SLC29A3: variants seen among roughly 807,000 people sequenced by gnomAD.
SLC29A3 encodes the protein solute carrier family 29 member 3.
SLC29A3 carries 18 observed loss-of-function variants against 25.4 expected under a neutral mutation model. That is an observed-to-expected ratio of 0.71 (90% CI 0.49 to 1.05). The LOEUF is 1.05. Among genes scored for constraint, SLC29A3 ranks in the 50% least tolerant of loss-of-function variants. The probability of loss-of-function intolerance (pLI) is 0.00; values close to 1 mark genes in which losing one functional copy is unlikely to be tolerated. For synonymous variants in SLC29A3, 258 were observed against 267.1 expected (o/e 0.97, Z 0.33); for missense variants, 586 against 609.0 (o/e 0.96, Z 0.40).
chr10:71,356,228 G>T lies in SLC29A3; in HGVS notation c.758G>T (p.Arg253Met), dbSNP rs1246127063. 6.2e-7 allele frequency: 1 copy of T among 1,613,688 alleles called. No individual in the cohort carries two copies. The highest frequency in any genetic ancestry group is 8.5e-7 in the Non-Finnish European group (1 of 1,180,036). Residue 253 changes from arginine to methionine, a missense_variant, in exon 5 of 6, where the codon AGG becomes ATG. By Grantham distance (91) the Arg-to-Met change is moderately conservative. Coordinates refer to ENST00000373189, the MANE Select transcript of SLC29A3 (RefSeq NM_018344.6). ...LCMGLYLLLS[R>M]LEYARYYMRP... ...ATGGGACTCTACCTGCTGCTGTCCAGGCTGGAGTATGCCAGGTGAAGGTGC... is the reference window on the plus strand; with the variant it reads ...ATGGGACTCTACCTGCTGCTGTCCATGCTGGAGTATGCCAGGTGAAGGTGC...
At chr10:71,371,810 G>A (rs189742214) in intron 3 of SLC29A3, among the ~76,000 whole-genome samples, 1 of 152,194 alleles carries the variant, frequency 6.6e-6, no homozygotes, top group Non-Finnish European at 1.5e-5. Context: ...CTCCATCCAG[G>A]CTAAATGATT....
At chr10:71,333,304 T>C (rs1846163821) in intron 2 of SLC29A3, among the ~76,000 whole-genome samples, 1 of 152,200 alleles carries the variant, frequency 6.6e-6, no homozygotes, top group Non-Finnish European at 1.5e-5. Flanking sequence ...ATGAGTACTC[T>C]AGTGGAGGCA....
intron 2 of SLC29A3, among the ~76,000 whole-genome samples, chr10:71,330,863 G>GT (rs1040844957): frequency 9.0e-4 from 131 of 145,698 alleles, no homozygotes; most frequent in African/African-American, 1.1e-3. Flanking sequence ...TCTTTTGTTT[G>GT]TTTTTTTTTT....
intron 5 of SLC29A3, among the ~76,000 whole-genome samples, chr10:71,361,708 TG>T (rs1847057560): frequency 6.6e-6 from 1 of 152,254 alleles, no homozygotes; most frequent in Non-Finnish European, 1.5e-5. Context: ...TGGTCAGTCC[TG>T]GTTTCCTCTG....
chr10:71,374,483 T>C (rs1431921609), intron 3 of SLC29A3, among the ~76,000 whole-genome samples: 2 of 152,198 alleles, frequency 1.3e-5, no homozygotes, highest in African/African-American at 4.8e-5. Context: ...GCTCCCGCCA[T>C]GGTAACCCGA....
At chr10:71,335,862 A>G (rs1846236657) in intron 2 of SLC29A3, among the ~76,000 whole-genome samples, 1 of 151,910 alleles carries the variant, frequency 6.6e-6, no homozygotes, top group Admixed American at 6.6e-5. Flanking sequence ...CACCACCCCC[A>G]CCCTTACAAA....
intron 3 of SLC29A3, among the ~76,000 whole-genome samples, chr10:71,375,295 T>A (rs937078525): frequency 1.3e-5 from 2 of 152,208 alleles, no homozygotes; most frequent in Admixed American, 6.5e-5. Context: ...GGTACTGTGC[T>A]GTGTGACTTT....
chr10:71,362,718 G>A lies in SLC29A3; in HGVS notation c.*110G>A, dbSNP rs1193440272. 6.9e-7 allele frequency: 1 copy of A among 1,445,256 alleles called. No individual in the cohort carries two copies. The highest frequency in any genetic ancestry group is 9.6e-7 in the Non-Finnish European group (1 of 1,044,654). The allele number at this position is 1,445,256 out of a possible 1,614,324, so 89.5% of individuals were successfully genotyped here. A position where few individuals can be genotyped will look rare whatever the true frequency, so the allele number is the denominator to read the frequency against. On this transcript the variant is annotated 3_prime_UTR_variant, in exon 6 of 6. Transcript: ENST00000373189. ...GCCTAAAGTTTCACTTGGGGACAGA[G>A]AGCAGAGCACACTCGGGCCTCATCC...
chr10:71,339,813 C>A (rs537113659), intron 2 of SLC29A3, among the ~76,000 whole-genome samples: 5 of 152,118 alleles, frequency 3.3e-5, no homozygotes, highest in African/African-American at 1.2e-4. Context: ...TTCCAGCTGC[C>A]GTCCAAGATG....
chr10:71,327,537 C>T (rs1846000242), intron 2 of SLC29A3, among the ~76,000 whole-genome samples: 1 of 152,146 alleles, frequency 6.6e-6, no homozygotes, highest in Non-Finnish European at 1.5e-5. Flanking sequence ...TCTTAGTAAC[C>T]ATTTTCTTAA....
intron 2 of SLC29A3, among the ~76,000 whole-genome samples, chr10:71,334,770 A>T (rs3781312): frequency 0.32 from 48,729 of 151,102 alleles, 11,552 homozygotes; most frequent in African/African-American, 0.66. Context: ...CCCCATCCCC[A>T]TTCATACTCC....
At chr10:71,339,240 G>A (rs1846332419) in intron 2 of SLC29A3, among the ~76,000 whole-genome samples, 1 of 152,212 alleles carries the variant, frequency 6.6e-6, no homozygotes, top group African/African-American at 2.4e-5. Flanking sequence ...CCCTCTGGAA[G>A]CTGTGCTGCT....
In SLC29A3 at chr10:71,322,920, ATCT is replaced by A. The variant is rs760144273; in HGVS notation, c.172_174del (p.Phe58del). The A allele has an allele frequency of 1.9e-6, 3 of 1,614,114 alleles. No homozygotes were observed. The highest frequency in any genetic ancestry group is 2.5e-6 in the Non-Finnish European group (3 of 1,180,038). ...GGACCGCTTCTGTGGCACATACATC[ATCT>A]TCTTCAGCCTGGGCATTGGCAGTCT... On this transcript the variant is annotated inframe_deletion, in exon 2 of 6. Transcript: ENST00000373189.
chr10:71,355,325 G>C (rs1846873149), intron 4 of SLC29A3, among the ~76,000 whole-genome samples: 1 of 152,244 alleles, frequency 6.6e-6, no homozygotes, highest in African/African-American at 2.4e-5. Context: ...TTAGGTAGCA[G>C]TGAAAGGTGT....
intron 1 of SLC29A3, among the ~76,000 whole-genome samples, chr10:71,320,504 CCTT>C (rs1392157140): frequency 6.6e-6 from 1 of 152,118 alleles, no homozygotes; most frequent in Non-Finnish European, 1.5e-5. Context: ...CAGACAGCCT[CCTT>C]CTTGCTGTGC....
At chr10:71,349,427 C>T (rs1846687789) in intron 3 of SLC29A3, among the ~76,000 whole-genome samples, 2 of 152,122 alleles carry the variant, frequency 1.3e-5, no homozygotes, top group Non-Finnish European at 2.9e-5. Context: ...GAGCTTCTCT[C>T]CACGGCTCCC....
chr10:71,344,143 C>T lies in SLC29A3; in HGVS notation c.301-66C>T, dbSNP rs947118941. 1.2e-5 allele frequency: 15 copies of T among 1,284,680 alleles called. No homozygotes were observed. In the African/African-American group the frequency reaches 2.2e-4, roughly 19 times the overall value. 79.6% of individuals were successfully genotyped at this position (1,284,680 alleles called of 1,614,324 possible). ...CCCACAGAGAGGGGCCCTGTCTCTGCTCGCGTGGAACTGCTCACCTCCATC... is the reference window on the plus strand; with the variant it reads ...CCCACAGAGAGGGGCCCTGTCTCTGTTCGCGTGGAACTGCTCACCTCCATC... On this transcript the variant is annotated intron_variant, in intron 2 of 5. Coordinates refer to ENST00000373189, the MANE Select transcript of SLC29A3 (RefSeq NM_018344.6).
intron 1 of SLC29A3, among the ~76,000 whole-genome samples, chr10:71,321,548 C>T (rs574481478): frequency 5.1e-4 from 78 of 152,334 alleles, no homozygotes; most frequent in African/African-American, 1.8e-3. Context: ...TGCTACCTTA[C>T]AGCCAAATTC....
In SLC29A3 at chr10:71,373,920, C is replaced by T. The variant is rs546864851; in HGVS notation, c.*95-1775C>T. ...ACTTATAGGTTGGGATATCTACATT[C>T]GTTCACAGGAGACCCTTCTAGATGT... On this transcript the variant is annotated intron_variant and NMD_transcript_variant, in intron 3 of 4. Coordinates refer to the SLC29A3 transcript ENST00000642772. 3.9e-5 allele frequency among the ~76,000 whole-genome samples: 6 copies of T among 152,314 alleles called. No individual in the cohort carries two copies. The East Asian group carries it at 9.7e-4, about 25-fold the overall frequency.
Sources: gnomAD v4.1 joint callset for allele counts (sites outside exome capture counted in the v4.1 genomes callset) on GRCh38, gnomAD v4.1.1 for gene constraint, MANE v1.5 for transcripts, NCBI Gene and HGNC (gene_info 2026-07-23, HGNC 2026-07-21) for gene names.